Variants in KANSL1L observed in about 807,000 individuals in gnomAD.
The protein encoded by KANSL1L is KAT8 regulatory NSL complex subunit 1-like protein.
Under a neutral mutation model 108.6 loss-of-function variants are expected in KANSL1L, and 25 were observed. The observed-to-expected ratio is 0.23, with a 90% CI of 0.17 to 0.32. The LOEUF (loss-of-function observed/expected upper bound fraction) is 0.32, where lower values mean the gene tolerates loss of function less well. Ranked by LOEUF, KANSL1L falls within the 10% of genes least tolerant of loss-of-function variation. The pLI is 1.00. For synonymous variants in KANSL1L, 405 were observed against 395.1 expected, an observed-to-expected ratio of 1.03 and a Z score of -0.30; for missense variants, 1,137 against 1,125.7, an observed-to-expected ratio of 1.01 and a Z score of -0.14.
At chr2:210,033,185 A>G (rs1228706378) in intron 8 of KANSL1L, among the ~76,000 whole-genome samples, 1 of 152,238 alleles carries the variant, frequency 6.6e-6, no homozygotes, top group African/African-American at 2.4e-5. Context: ...TCCAGAATCA[A>G]TATTAAACCC....
intron 5 of KANSL1L, among the ~76,000 whole-genome samples, chr2:210,076,918 T>C (rs12996934): frequency 1.3e-5 from 2 of 152,244 alleles, no homozygotes; most frequent in Admixed American, 6.5e-5. Context: ...GATACTGCTG[T>C]TCAATATATA....
chr2:210,119,719 C>T (rs902014977), intron 3 of KANSL1L, among the ~76,000 whole-genome samples: 1 of 152,144 alleles, frequency 6.6e-6, no homozygotes, highest in Non-Finnish European at 1.5e-5. Context: ...GATAGACCCA[C>T]AGCTAGTATC....
intron 5 of KANSL1L, among the ~76,000 whole-genome samples, chr2:210,091,324 A>C: frequency 6.6e-6 from 1 of 152,196 alleles, no homozygotes; most frequent in Non-Finnish European, 1.5e-5. Flanking sequence ...GTGACCTCCT[A>C]TGTGACTATT....
chr2:210,091,675 C>T (rs1179655416), intron 5 of KANSL1L, among the ~76,000 whole-genome samples: 1 of 152,146 alleles, frequency 6.6e-6, no homozygotes, highest in Non-Finnish European at 1.5e-5. Context: ...TCCTTCTGAC[C>T]TCTATGTTAT....
chr2:210,145,768 G>A (rs565561507), intron 2 of KANSL1L, among the ~76,000 whole-genome samples: 1 of 152,310 alleles, frequency 6.6e-6, no homozygotes, highest in African/African-American at 2.4e-5. Context: ...AAAGCAACCT[G>A]GGCTCCAAGG....
chr2:210,103,880 C>A, intron 4 of KANSL1L: 2 of 237,366 alleles, frequency 8.4e-6, no homozygotes, highest in Non-Finnish European at 1.6e-5. Flanking sequence ...TATAGCCATA[C>A]CAATTCCATT....
chr2:210,154,336 T>C lies in KANSL1L; in HGVS notation c.247A>G (p.Met83Val). 1 of 1,610,524 alleles carries C rather than the reference T, an allele frequency of 6.2e-7. No homozygotes were observed. The highest frequency in any genetic ancestry group is 1.1e-5 in the South Asian group (1 of 90,090). The change falls in exon 2 of 15, where the codon ATG becomes GTG. Residue 83 changes from methionine to valine, a missense_variant. Coordinates refer to ENST00000281772, the MANE Select transcript of KANSL1L (RefSeq NM_152519.4). Reference protein sequence around the residue: ...SSKHYQTVFLMRSNSTLNKHN... With the variant: ...SSKHYQTVFLVRSNSTLNKHN... ...TTATTTAATGTAGAATTAGATCTCA[T>C]TAAAAAAACAGTCTGGTAATGTTTT...
intron 5 of KANSL1L, among the ~76,000 whole-genome samples, chr2:210,082,147 G>GT (rs2094595578): frequency 6.6e-6 from 1 of 152,172 alleles, no homozygotes; most frequent in Non-Finnish European, 1.5e-5. Context: ...TTCTTGGATG[G>GT]TTTGGAACTC....
chr2:210,169,276 G>A (rs1688184223), intron 1 of KANSL1L, among the ~76,000 whole-genome samples: 1 of 152,102 alleles, frequency 6.6e-6, no homozygotes, highest in South Asian at 2.1e-4. Context: ...ATATACACTA[G>A]CAAAACCAGA....
At chr2:210,160,191 T>C (rs988613347) in intron 1 of KANSL1L, among the ~76,000 whole-genome samples, 17 of 152,324 alleles carry the variant, frequency 1.1e-4, no homozygotes, top group Non-Finnish European at 2.4e-4. Flanking sequence ...GTCTTTAATC[T>C]GATAAAAAGC....
intron 1 of KANSL1L, among the ~76,000 whole-genome samples, chr2:210,161,993 G>A (rs925523253): frequency 2.0e-5 from 3 of 150,992 alleles, no homozygotes; most frequent in African/African-American, 7.3e-5. Flanking sequence ...GGGAGGCCAA[G>A]GCGGGAGGAT....
chr2:210,095,499 A>C (rs1322849785), intron 5 of KANSL1L, among the ~76,000 whole-genome samples: 1 of 152,084 alleles, frequency 6.6e-6, no homozygotes. Flanking sequence ...AAAATTTGCT[A>C]CTTTTCCTTC....
At chr2:210,093,033 T>C (rs1216219728) in intron 5 of KANSL1L, among the ~76,000 whole-genome samples, 1 of 152,256 alleles carries the variant, frequency 6.6e-6, no homozygotes, top group East Asian at 1.9e-4. Flanking sequence ...GTACCTTTAC[T>C]GTAATGGCAT....
chr2:210,149,807 T>A (rs2095289819), intron 2 of KANSL1L, among the ~76,000 whole-genome samples: 1 of 151,806 alleles, frequency 6.6e-6, no homozygotes, highest in African/African-American at 2.4e-5. Context: ...CTATTAGTGT[T>A]AGCAAAAATA....
intron 3 of KANSL1L, among the ~76,000 whole-genome samples, chr2:210,128,077 C>T (rs2095085500): frequency 6.6e-6 from 1 of 152,044 alleles, no homozygotes; most frequent in African/African-American, 2.4e-5. Context: ...CCATCTCACA[C>T]TCATTAGGGA....
intron 2 of KANSL1L, among the ~76,000 whole-genome samples, chr2:210,145,084 T>C (rs1242699628): frequency 6.6e-6 from 1 of 152,184 alleles, no homozygotes; most frequent in African/African-American, 2.4e-5. Flanking sequence ...TCAACTGATG[T>C]TAGCACTGTC....
chr2:210,053,244 G>A (rs186748921), intron 6 of KANSL1L, among the ~76,000 whole-genome samples: 25 of 152,244 alleles, frequency 1.6e-4, no homozygotes, highest in Admixed American at 5.2e-4. Context: ...ACAATGGACT[G>A]TTTTGTCTTT....
chr2:210,043,387 T>TCAAAA (rs542884999), intron 7 of KANSL1L: 2,046 of 160,114 alleles, frequency 0.013, 40 homozygotes, highest in African/African-American at 0.04. Context: ...AGACCCTGTC[T>TCAAAA]CAAAACAAAA....
chr2:210,043,194 T>C (rs1031096973), intron 7 of KANSL1L, among the ~76,000 whole-genome samples: 1 of 152,064 alleles, frequency 6.6e-6, no homozygotes, highest in African/African-American at 2.4e-5. Flanking sequence ...AAGACCAGCC[T>C]GGGCAATATA....
Sources: gnomAD v4.1 joint callset for allele counts (sites outside exome capture counted in the v4.1 genomes callset) on GRCh38, gnomAD v4.1.1 for gene constraint, MANE v1.5 for transcripts, NCBI Gene and HGNC (gene_info 2026-07-23, HGNC 2026-07-21) for gene names.